Variants in CPVL observed in about 807,000 individuals in gnomAD.
CPVL encodes carboxypeptidase vitellogenic like, also known as probable serine carboxypeptidase CPVL.
Under a neutral mutation model 63.7 loss-of-function variants are expected in CPVL, and 51 were observed. The observed-to-expected ratio is 0.80, with a 90% confidence interval of 0.64 to 1.01. The LOEUF (loss-of-function observed/expected upper bound fraction) is 1.01, where lower values mean the gene tolerates loss of function less well. Ranked by LOEUF, CPVL falls within the 50% of genes least tolerant of loss-of-function variation. The pLI, the probability that CPVL is intolerant of heterozygous loss-of-function variation, is 0.00. For missense variants in CPVL, 530 were observed against 573.1 expected (o/e 0.92, Z 0.77); for synonymous variants, 195 against 206.0 (o/e 0.95, Z 0.46).
At chr7:29,176,795 G>A (rs1177557019) in intron 5 of CPVL, among the ~76,000 whole-genome samples, 3 of 152,088 alleles carry the variant, frequency 2.0e-5, no homozygotes, top group Non-Finnish European at 4.4e-5. Flanking sequence ...AATACTAGAA[G>A]GAAGAGCATA....
At position 29,129,933 on chromosome 7, in the gene CPVL, T is replaced by C. The variant is rs564678377; in HGVS notation, c.-10-8862A>G. On this transcript the variant is annotated intron_variant, in intron 1 of 12. Coordinates refer to ENST00000265394, the MANE Select transcript of CPVL (RefSeq NM_031311.5). ...AGAGGCAGACACTAAGTGATGTATC[T>C]ACAAGCCAAGAAGCCCAGGATTGCT... is the stretch of plus-strand genomic sequence containing the variant. 8.6e-4 allele frequency among the ~76,000 whole-genome samples: 131 copies of C among 152,236 alleles called. 1 individual carries two copies. The highest frequency in any genetic ancestry group is 3.4e-3 in the Middle Eastern group (1 of 294).
intron 1 of CPVL, among the ~76,000 whole-genome samples, chr7:29,138,571 A>C (rs1341203361): frequency 6.6e-6 from 1 of 152,210 alleles, no homozygotes; most frequent in Non-Finnish European, 1.5e-5. Context: ...GTGGGTGGAC[A>C]GTGGTGCCAT....
rs561606009 is a variant in CPVL, at chr7:29,095,954, G to T, written c.403+149C>A. ...ACTCACCCCGAGGCTCCTCCTTCTC[G>T]GATGGATATTGCCAGAAAGTTGTGT... On this transcript the variant is annotated intron_variant, in intron 4 of 12. Coordinates refer to ENST00000265394, the MANE Select transcript of CPVL (RefSeq NM_031311.5). The T allele has an allele frequency of 5.8e-5, 41 of 707,760 alleles. No individual in the cohort carries two copies. In the South Asian group the frequency reaches 6.8e-4, roughly 12 times the overall value. 43.8% of individuals were successfully genotyped at this position (707,760 alleles called of 1,614,324 possible). A position where few individuals can be genotyped will look rare whatever the true frequency, so the allele number is the denominator to read the frequency against.
At chr7:29,039,771 A>AGGC (rs1437454097) in intron 11 of CPVL, among the ~76,000 whole-genome samples, 2 of 152,204 alleles carry the variant, frequency 1.3e-5, no homozygotes, top group Non-Finnish European at 2.9e-5. Flanking sequence ...CCAGAGAAGG[A>AGGC]GGCTTTGGTA....
chr7:29,163,901 T>C (rs182605858), intron 5 of CPVL, among the ~76,000 whole-genome samples: 1 of 152,370 alleles, frequency 6.6e-6, no homozygotes, highest in African/African-American at 2.4e-5. Context: ...GACTGAAATA[T>C]ATTTGTCCAT....
At chr7:29,180,476 G>A (rs748480752) in intron 5 of CPVL, among the ~76,000 whole-genome samples, 32 of 151,958 alleles carry the variant, frequency 2.1e-4, no homozygotes, top group East Asian at 1.9e-4. Context: ...GCAGTGAGCC[G>A]AGATCGCGCC....
chr7:29,003,844 T>C (rs1409653970), intron 12 of CPVL, among the ~76,000 whole-genome samples: 3 of 152,092 alleles, frequency 2.0e-5, no homozygotes, highest in African/African-American at 7.2e-5. Flanking sequence ...ATCCCTCACA[T>C]GCGCAGTTCA....
At chr7:29,146,712 A>C, upstream of CPVL, 2 of 1,550,650 alleles carry the variant, frequency 1.3e-6, no homozygotes, top group Non-Finnish European at 1.7e-6. Flanking sequence ...GAATCTTAAA[A>C]ATTAATGAAG....
intron 5 of CPVL, among the ~76,000 whole-genome samples, chr7:29,172,613 A>G (rs1410264614): frequency 1.3e-5 from 2 of 152,218 alleles, no homozygotes; most frequent in Non-Finnish European, 2.9e-5. Flanking sequence ...ATTTAAGAAA[A>G]GCTTAGTAAA....
intron 1 of CPVL, among the ~76,000 whole-genome samples, chr7:29,190,245 ACTTT>A (rs1782719578): frequency 1.3e-5 from 2 of 152,236 alleles, no homozygotes; most frequent in Admixed American, 1.3e-4. Flanking sequence ...CAAAAGGACC[ACTTT>A]CAGGGTACGG....
intron 12 of CPVL, among the ~76,000 whole-genome samples, chr7:28,997,175 C>CA (rs1784166916): frequency 6.6e-6 from 1 of 152,196 alleles, no homozygotes; most frequent in Non-Finnish European, 1.5e-5. Context: ...TGGGAAGTTA[C>CA]ATGCAGGAGA....
chr7:29,145,449 A>C (rs1463149355), intron 1 of CPVL, among the ~76,000 whole-genome samples: 1 of 151,902 alleles, frequency 6.6e-6, no homozygotes, highest in Non-Finnish European at 1.5e-5. Context: ...TCCAAAACCC[A>C]AGCACCTTGC....
intron 5 of CPVL, among the ~76,000 whole-genome samples, chr7:29,167,728 G>A (rs1697386233): frequency 6.6e-6 from 1 of 152,204 alleles, no homozygotes; most frequent in African/African-American, 2.4e-5. Flanking sequence ...ACTGGCATCT[G>A]TGAAAGTCAT....
At position 29,120,884 on chromosome 7, in the gene CPVL, C is replaced by T. The variant is rs754523678; in HGVS notation, c.169+9G>A. On this transcript the variant is annotated intron_variant, in intron 2 of 12. Transcript: ENST00000265394. The stretch of plus-strand genomic sequence containing the variant: ...CCAGTGGTTTTCTGATTTAATTAAA[C>T]TTACTTACCTTTTTGGATCTTCCCA... 2 of 1,489,714 alleles carry T rather than the reference C, an allele frequency of 1.3e-6. No individual in the cohort carries two copies. Among genetic ancestry groups the T allele is most frequent in the African/African-American group, 2.8e-5 (2 of 70,460 alleles). The allele number at this position is 1,489,714 out of a possible 1,614,324, so 92.3% of individuals were successfully genotyped here. A position where few individuals can be genotyped will look rare whatever the true frequency, so the allele number is the denominator to read the frequency against.
rs148337881 is a variant in CPVL, at chr7:29,163,152, TACTC to T, written c.-11+18134_-11+18137del. On this transcript the variant is annotated intron_variant, in intron 5 of 16. Transcript: ENST00000409850. The stretch of plus-strand genomic sequence containing the variant: ...TTCAAAATTAAAAATTAAAAAAAGA[TACTC>T]AATTCTATTATGGGAAAATTTTTAA... 4.6e-3 allele frequency among the ~76,000 whole-genome samples: 699 copies of T among 152,274 alleles called. 4 individuals are homozygous for T. The highest frequency in any genetic ancestry group is 8.1e-3 in the Non-Finnish European group (549 of 68,010).
At chr7:29,154,081 C>T (rs1794009718) in intron 5 of CPVL, among the ~76,000 whole-genome samples, 1 of 152,190 alleles carries the variant, frequency 6.6e-6, no homozygotes, top group South Asian at 2.1e-4. Flanking sequence ...GCCCTAACCT[C>T]TGCATTTCTC....
intron 5 of CPVL, among the ~76,000 whole-genome samples, chr7:29,162,554 G>A (rs1044210172): frequency 6.6e-6 from 1 of 151,960 alleles, no homozygotes; most frequent in Non-Finnish European, 1.5e-5. Context: ...CCAACTACTT[G>A]GGAGGCTGAG....
At chr7:29,168,683 G>C (rs1796223456) in intron 5 of CPVL, among the ~76,000 whole-genome samples, 1 of 152,200 alleles carries the variant, frequency 6.6e-6, no homozygotes, top group African/African-American at 2.4e-5. Flanking sequence ...AACCTCAGCT[G>C]TAGGCTTCCA....
intron 5 of CPVL, among the ~76,000 whole-genome samples, chr7:29,094,776 C>G (rs866014608): frequency 1.3e-5 from 2 of 151,574 alleles, no homozygotes; most frequent in Non-Finnish European, 2.9e-5. Context: ...GGCAGGAGAA[C>G]CAGGTTGAAC....
Sources: gnomAD v4.1 joint callset for allele counts (sites outside exome capture counted in the v4.1 genomes callset) on GRCh38, gnomAD v4.1.1 for gene constraint, MANE v1.5 for transcripts, NCBI Gene and HGNC (gene_info 2026-07-23, HGNC 2026-07-21) for gene names.